The following NOD2 variants were observed in gnomAD, a reference collection of about 807,000 sequenced individuals.
NOD2 encodes nucleotide-binding oligomerization domain-containing protein 2.
A neutral mutation model predicts 90.9 loss-of-function variants in NOD2; 86 were observed. The ratio of observed to expected loss-of-function variants is 0.95; its 90% CI spans 0.79 to 1.13. NOD2 has a LOEUF of 1.13. NOD2 is among the 50% of genes most tolerant of loss of function. The pLI, the probability that NOD2 is intolerant of heterozygous loss-of-function variation, is 0.00. For synonymous variants in NOD2, 581 were observed against 554.6 expected (o/e 1.05, Z -0.67); for missense variants, 1,238 against 1,283.8 (o/e 0.96, Z 0.55).
Position 50,719,195 on chromosome 16 carries a change from G to A in NOD2, c.2550-730G>A, listed in dbSNP as rs578200132. Among the ~76,000 whole-genome samples, 14 of 152,308 alleles carry A rather than the reference G, an allele frequency of 9.2e-5. No homozygotes were observed. In the South Asian group the frequency reaches 2.7e-3, roughly 29 times the overall value. On this transcript the variant is annotated intron_variant, in intron 6 of 11. Coordinates refer to ENST00000647318, the MANE Select transcript of NOD2 (RefSeq NM_001370466.1). ...AGCTGAGGCTGGAGACCTGAAAGGC[G>A]AGTTCTCCTAGCTGCCACACCCCTT...
intron 2 of NOD2, among the ~76,000 whole-genome samples, chr16:50,703,101 G>A (rs928697315): frequency 2.6e-5 from 4 of 152,210 alleles, no homozygotes; most frequent in Non-Finnish European, 5.9e-5. Flanking sequence ...ACAGAAGAGT[G>A]TGTATATTTC....
At chr16:50,719,877 T>C (rs375690589) in intron 6 of NOD2, 48 bp from the exon 7 acceptor site, 7 of 1,564,996 alleles carry the variant, frequency 4.5e-6, no homozygotes, top group Non-Finnish European at 6.2e-6. Context: ...GGCCCTCCTT[T>C]TCTGCCTGCC....
At position 50,716,893 on chromosome 16, in the gene NOD2, T is replaced by C. The variant is rs1412993795; in HGVS notation, c.2468T>C (p.Leu823Pro). The change falls in exon 6 of 12, where the codon CTA becomes CCA. Residue 823 changes from leucine (L) to proline (P), a missense_variant and splice_region_variant. Physicochemically the swap from Leu to Pro is moderately conservative, Grantham distance 98. This residue lies in a region of NOD2 where 667 missense variants were observed against 688.7 expected (regional missense o/e 0.97). Transcript: ENST00000647318. ...LHCEQLQKLA[L>P]FNNKLTDGCA... ...TCCTCTCTTCTGGAACTGAACAGTC[T>C]ATTCAACAACAAATTGACTGACGGC... 1.2e-6 allele frequency: 2 copies of C among 1,613,876 alleles called. No homozygotes were observed. Among genetic ancestry groups the C allele is most frequent in the Admixed American group, 1.7e-5 (1 of 60,036 alleles).
At chr16:50,725,801 G>T (rs1404000606) in intron 10 of NOD2, among the ~76,000 whole-genome samples, 1 of 152,086 alleles carries the variant, frequency 6.6e-6, no homozygotes, top group Non-Finnish European at 1.5e-5. Flanking sequence ...GGAAGTGAAG[G>T]TAACCAATAA....
At chr16:50,693,806 G>A (rs1455623949) in intron 1 of NOD2, 144 bp downstream of exon 1, 1 of 152,336 alleles carries the variant, frequency 6.6e-6, no homozygotes, top group Non-Finnish European at 1.5e-5. Flanking sequence ...TCTCCTGGGG[G>A]AGTCCCAGAA....
chr16:50,723,168 G>C (rs1965141858), intron 8 of NOD2, 133 bp from the exon 9 acceptor site: 2 of 619,630 alleles, frequency 3.2e-6, no homozygotes, highest in Non-Finnish European at 5.8e-6. Context: ...AAAAGAAAGA[G>C]CACCGCAATC....
chr16:50,699,971 G>C lies in NOD2; in HGVS notation c.459+17G>C, dbSNP rs761704372. On this transcript the variant is annotated intron_variant, in intron 2 of 11. Transcript: ENST00000647318. The stretch of plus-strand genomic sequence containing the variant: ...TCCCAGAGGGTGAGGCACTCCTGGT[G>C]TGCATCACAGAGTTCTCAGGAAAGG... 2.7e-5 allele frequency: 43 copies of C among 1,597,700 alleles called. No homozygotes were observed. Among genetic ancestry groups the C allele is most frequent in the Non-Finnish European group, 3.5e-5 (41 of 1,176,058 alleles).
At chr16:50,728,166 G>A in intron 10 of NOD2, 1 of 218,758 alleles carries the variant, frequency 4.6e-6, no homozygotes, top group Non-Finnish European at 9.3e-6. Context: ...CCATGGAATG[G>A]TCGATGTTGA....
chr16:50,717,687 G>T (rs769020148), intron 6 of NOD2, among the ~76,000 whole-genome samples: 1 of 152,198 alleles, frequency 6.6e-6, no homozygotes, highest in African/African-American at 2.4e-5. Context: ...GCTCAGTCTC[G>T]GCAAGGGCTA....
chr16:50,695,970 G>A (rs1963627933), intron 1 of NOD2, among the ~76,000 whole-genome samples: 2 of 151,936 alleles, frequency 1.3e-5, no homozygotes, highest in Admixed American at 6.6e-5. Flanking sequence ...GAAGGGGAGT[G>A]TCAAGAGAGT....
chr16:50,732,115 G>A lies in NOD2; in HGVS notation c.*296G>A. The A allele has an allele frequency of 4.5e-6, 2 of 446,596 alleles. No individual in the cohort carries two copies. The highest frequency in any genetic ancestry group is 4.1e-5 in the South Asian group (2 of 48,204). 27.7% of individuals were successfully genotyped at this position (446,596 alleles called of 1,614,324 possible). A position where few individuals can be genotyped will look rare whatever the true frequency, so the allele number is the denominator to read the frequency against. ...CCATAGTATGGGACTGGCCTCTGCT[G>A]ATCCTCCCAGGCTTCCGTGTGGGTC... On this transcript the variant is annotated 3_prime_UTR_variant, in exon 12 of 12. Coordinates refer to ENST00000647318, the MANE Select transcript of NOD2 (RefSeq NM_001370466.1).
intron 9 of NOD2, 74 bp from the exon 10 acceptor site, chr16:50,725,415 T>C: frequency 8.8e-7 from 1 of 1,138,794 alleles, no homozygotes; most frequent in Non-Finnish European, 1.3e-6. Flanking sequence ...ATTTCCTATA[T>C]GGGGGGCATG....
At chr16:50,706,556 G>T (rs1238953607) in intron 2 of NOD2, among the ~76,000 whole-genome samples, 1 of 152,150 alleles carries the variant, frequency 6.6e-6, no homozygotes, top group Non-Finnish European at 1.5e-5. Context: ...TCTATGTCTG[G>T]TATGTAGATA....
chr16:50,711,848 C>A lies in NOD2; in HGVS notation c.1856C>A (p.Thr619Lys). The A allele has an allele frequency of 6.2e-7, 1 of 1,612,714 alleles. No homozygotes were observed. The highest frequency in any genetic ancestry group is 8.5e-7 in the Non-Finnish European group (1 of 1,178,850). The stretch of plus-strand genomic sequence containing the variant: ...TCACCAATGGCCAGGCTCCTGCCCA[C>A]GATGTGCATCCAGGCCTCGGAGGGA... ...GNSPMARLLP[T>K]MCIQASEGKD... The change falls in exon 4 of 12, where the codon ACG becomes AAG. Residue 619 changes from threonine (T) to lysine (K), a missense_variant. By Grantham distance (78) the Thr-to-Lys change is moderately conservative. Transcript: ENST00000647318.
In NOD2 at chr16:50,723,294, C is replaced by T. The variant is rs1238748792; in HGVS notation, c.2718-7C>T. On this transcript the variant is annotated splice_polypyrimidine_tract_variant and splice_region_variant and intron_variant, in intron 8 of 11. Transcript: ENST00000647318. ...CTGACATACTTTTGTTCCATGATTA[C>T]CTCCAGCCTGGTGGGGAACAACATT... 5.0e-6 allele frequency: 8 copies of T among 1,613,312 alleles called. No individual in the cohort carries two copies. The African/African-American group carries it at 5.3e-5, about 11-fold the overall frequency.
intron 11 of NOD2, among the ~76,000 whole-genome samples, chr16:50,730,958 G>A (rs1965433383): frequency 6.6e-6 from 1 of 152,154 alleles, no homozygotes; most frequent in Non-Finnish European, 1.5e-5. Flanking sequence ...TAGCACTTTG[G>A]GAGGCTGAGG....
intron 9 of NOD2, among the ~76,000 whole-genome samples, chr16:50,723,877 A>ACTGCTGCTGCTG (rs912535842): frequency 6.6e-6 from 1 of 151,942 alleles, no homozygotes; most frequent in African/African-American, 2.4e-5. Context: ...TACTACTATT[A>ACTGCTGCTGCTG]CTGCTGCTGC....
chr16:50,702,407 G>T (rs767916400), intron 2 of NOD2, among the ~76,000 whole-genome samples: 17 of 152,198 alleles, frequency 1.1e-4, no homozygotes, highest in Non-Finnish European at 2.4e-4. Context: ...TAAGCCTTTA[G>T]AATCCAGCTC....
At chr16:50,697,891 C>T (rs1647595876) in intron 1 of NOD2, 1 of 166,236 alleles carries the variant, frequency 6.0e-6, no homozygotes, top group African/African-American at 2.4e-5. Context: ...CACCCCCAGC[C>T]CAGGGGATAT....
Sources: gnomAD v4.1 joint callset for allele counts (sites outside exome capture counted in the v4.1 genomes callset) on GRCh38, gnomAD v4.1.1 for gene constraint, gnomAD v4.1.1 regional missense constraint, MANE v1.5 for transcripts, NCBI Gene and HGNC (gene_info 2026-07-23, HGNC 2026-07-21) for gene names.